Variants in ADNP observed in about 807,000 individuals in gnomAD.
ADNP encodes the protein activity dependent neuroprotector homeobox.
A neutral mutation model predicts 84.9 loss-of-function variants in ADNP; 4 were observed. The observed-to-expected ratio is 0.05, with a 90% CI of 0.02 to 0.11. The LOEUF (loss-of-function observed/expected upper bound fraction) is 0.11. ADNP is among the 10% of genes least tolerant of loss of function. The probability of loss-of-function intolerance (pLI) is 1.00; values close to 1 mark genes in which losing one functional copy is unlikely to be tolerated. For synonymous variants in ADNP, 554 were observed against 468.1 expected, an observed-to-expected ratio of 1.18 and a Z score of -2.37; for missense variants, 1,132 against 1,326.0, an observed-to-expected ratio of 0.85 and a Z score of 2.27.
chr20:50,908,939 A>G (rs1357160247), intron 2 of ADNP, among the ~76,000 whole-genome samples: 1 of 147,232 alleles, frequency 6.8e-6, no homozygotes, highest in East Asian at 2.0e-4. Context: ...GCTAAAAACT[A>G]AAATACAGGT....
intron 1 of ADNP, among the ~76,000 whole-genome samples, chr20:50,930,184 A>G (rs1182895455): frequency 1.3e-5 from 2 of 152,184 alleles, no homozygotes; most frequent in Non-Finnish European, 2.9e-5. Flanking sequence ...ACCTTACTGC[A>G]AAGTTGGGGC....
intron 2 of ADNP, among the ~76,000 whole-genome samples, chr20:50,921,160 TA>T (rs1221690344): frequency 6.6e-6 from 1 of 152,220 alleles, no homozygotes; most frequent in African/African-American, 2.4e-5. Flanking sequence ...GATACTAAAA[TA>T]ATCACTTTCA....
In ADNP at chr20:50,892,676, T is replaced by C. The variant is rs1209145413; in HGVS notation, c.2038A>G (p.Ile680Val). The C allele has an allele frequency of 6.2e-7, 1 of 1,614,246 alleles. No individual in the cohort carries two copies. Among genetic ancestry groups the C allele is most frequent in the Non-Finnish European group, 8.5e-7 (1 of 1,180,044 alleles). Residue 680 changes from isoleucine (I) to valine (V), a missense_variant, in exon 6 of 6, where the codon ATC (isoleucine) becomes GTC (valine). Physicochemically the swap from Ile to Val is conservative, Grantham distance 29. This residue lies in a region of ADNP where 39 missense variants were observed against 96.2 expected (regional missense o/e 0.41). Coordinates refer to ENST00000621696, the MANE Select transcript of ADNP (RefSeq NM_001282531.3). ...VYTSNMTASTITLHLVHCRGV... is the reference protein window; with the variant it reads ...VYTSNMTASTVTLHLVHCRGV... ...CTGCAGTGAACTAGATGCAGAGTGA[T>C]AGTTGAGGCGGTCATGTTGCTGGTA...
rs1474811420 is a variant in ADNP, at chr20:50,893,436, G to A, written c.1278C>T (p.Ser426=). The change falls in exon 6 of 6, where the codon TCC becomes TCT. Residue 426 remains serine, a synonymous_variant. Transcript: ENST00000621696. The surrounding 1 kb of genome is among the most constrained non-coding windows in gnomAD (Gnocchi z 4.4). ...QASRVLGQSS[S]KPAAAATGPP... Reference sequence around the variant, plus strand: ...GGCCTGTGGCAGCTGCAGCAGGTTTGGAACTGGACTGACCTAACACTCTGG... The same window carrying A: ...GGCCTGTGGCAGCTGCAGCAGGTTTAGAACTGGACTGACCTAACACTCTGG... The A allele has an allele frequency of 6.2e-7, 1 of 1,614,144 alleles. No individual in the cohort carries two copies. The highest frequency in any genetic ancestry group is 8.5e-7 in the Non-Finnish European group (1 of 1,180,034).
intron 2 of ADNP, among the ~76,000 whole-genome samples, chr20:50,908,732 C>A (rs139545208): frequency 0.013 from 2,046 of 151,970 alleles, 44 homozygotes; most frequent in African/African-American, 0.046. Context: ...TGAGATCGAG[C>A]CACTGCACTC....
rs541907509 is a variant in ADNP at position 50,922,862 on chromosome 20, G to A, written c.-90+5789C>T. Among the ~76,000 whole-genome samples, 46 of 152,130 alleles carry A rather than the reference G, an allele frequency of 3.0e-4. No homozygotes were observed. The East Asian group carries it at 4.1e-3, about 13-fold the overall frequency. Reference sequence around the variant, plus strand: ...CTCCCAAAATGCTGGGATTACAGGCGTGAGCCACCGCGCCTGGCCCTCCTG... The same window carrying A: ...CTCCCAAAATGCTGGGATTACAGGCATGAGCCACCGCGCCTGGCCCTCCTG... On this transcript the variant is annotated intron_variant, in intron 2 of 5. Transcript: ENST00000621696.
chr20:50,891,532 TG>T lies in ADNP; in HGVS notation c.3181del (p.Gln1061ArgfsTer20). The part of the protein sequence containing the change: ...SENDERLSNP[Q>X]IEWQNSTIDS... The stretch of plus-strand genomic sequence containing the variant: ...AATTGTGCTATTCTGCCACTCAATC[TG>T]GGGGTTAGATAAGCGCTCATCATTC... On this transcript the variant is annotated frameshift_variant, in exon 6 of 6. Transcript: ENST00000621696. LOFTEE classifies it high-confidence loss of function. 6.2e-7 allele frequency: 1 copy of T among 1,612,112 alleles called. No homozygotes were observed.
rs1219803065 is a variant in ADNP at position 50,893,490 on chromosome 20, C to T, written c.1224G>A (p.Lys408=). 6 of 1,613,798 alleles carry T rather than the reference C, an allele frequency of 3.7e-6. No homozygotes were observed. The highest frequency in any genetic ancestry group is 5.1e-6 in the Non-Finnish European group (6 of 1,180,042). Residue 408 remains lysine, a synonymous_variant, in exon 6 of 6, where the codon AAG becomes AAA. Coordinates refer to ENST00000621696, the MANE Select transcript of ADNP (RefSeq NM_001282531.3). This position sits in a 1 kb window ranked among gnomAD's most constrained non-coding sequence, Gnocchi z 4.4. ...CCTGTGACTGAGAGAGGGAAGGAGACTTTAACTGGCCCGATGAGAGAGAAG... is the reference window on the plus strand; with the variant it reads ...CCTGTGACTGAGAGAGGGAAGGAGATTTTAACTGGCCCGATGAGAGAGAAG... ...NASSLSSGQL[K]SPSLSQSQAS...
rs1470830305 is a variant in ADNP at position 50,903,972 on chromosome 20, G to T, written c.25C>A (p.Leu9Ile). 2 of 1,613,820 alleles carry T rather than the reference G, an allele frequency of 1.2e-6. No homozygotes were observed. The highest frequency in any genetic ancestry group is 1.7e-5 in the Admixed American group (1 of 60,002). MFQLPVNN[L>I]GSLRKARKTV... is the part of the protein sequence containing the mutation. ...TTCCGGGCTTTTCTTAAACTGCCAA[G>T]ATTGTTGACAGGAAGTTGGAACATA... is the stretch of plus-strand genomic sequence containing the variant. Residue 9 changes from leucine (L) to isoleucine (I), a missense_variant, in exon 4 of 6, where the codon CTT becomes ATT. Leu to Ile is a conservative substitution (Grantham distance 5). Transcript: ENST00000621696.
rs1173298949 is a variant in ADNP, at chr20:50,892,113, G to A, written c.2601C>T (p.Asn867=). 1 of 1,614,100 alleles carries A rather than the reference G, an allele frequency of 6.2e-7. No homozygotes were observed. Among genetic ancestry groups the A allele is most frequent in the Admixed American group, 1.7e-5 (1 of 60,016 alleles). ...AGGAACTGTCATCTTCCTTCCCAAGGTTGAGCTTTTTGTCAGCAGTCTTAC... is the reference window on the plus strand; with the variant it reads ...AGGAACTGTCATCTTCCTTCCCAAGATTGAGCTTTTTGTCAGCAGTCTTAC... ...NASKTADKKL[N]LGKEDDSSSD... The change falls in exon 6 of 6, where the codon AAC becomes AAT. Residue 867 remains asparagine (N), a synonymous_variant. Coordinates refer to ENST00000621696, the MANE Select transcript of ADNP (RefSeq NM_001282531.3).
chr20:50,892,515 A>G lies in ADNP; in HGVS notation c.2199T>C (p.Asp733=). The stretch of plus-strand genomic sequence containing the variant: ...AGAAGCTGGGTGAATCACTATCATC[A>G]TCTAACTTTCGTTTTTTCAGTAAGG... The part of the protein sequence containing the change: ...EFPLLKKRKL[D]DDSDSPSFFE... The change falls in exon 6 of 6, where the codon GAT becomes GAC. Residue 733 remains aspartate (D), a synonymous_variant. Transcript: ENST00000621696. 6.2e-7 allele frequency: 1 copy of G among 1,614,234 alleles called. No individual in the cohort carries two copies. Among genetic ancestry groups the G allele is most frequent in the East Asian group, 2.2e-5 (1 of 44,884 alleles).
intron 2 of ADNP, chr20:50,905,450 A>G (rs1982377460): frequency 6.6e-6 from 1 of 152,224 alleles, no homozygotes; most frequent in Admixed American, 6.5e-5. Flanking sequence ...TCCAAATGTA[A>G]TAAAATGCTG....
chr20:50,890,743 C>T lies in ADNP; in HGVS notation c.*662G>A, dbSNP rs761950753. On this transcript the variant is annotated 3_prime_UTR_variant, in exon 6 of 6. Transcript: ENST00000621696. ...CCAGATATATATCTTACGTGGCTGG[C>T]CTCTGTTGCAAGATTGTACAAGGTT... The T allele has an allele frequency of 3.3e-4, 57 of 175,120 alleles. No individual in the cohort carries two copies. Among genetic ancestry groups the T allele is most frequent in the Non-Finnish European group, 1.5e-4 (13 of 88,646 alleles). The allele number at this position is 175,120 out of a possible 1,614,324, so 10.8% of individuals were successfully genotyped here.
intron 2 of ADNP, among the ~76,000 whole-genome samples, chr20:50,907,839 C>CTGCT (rs1296666702): frequency 6.6e-6 from 1 of 151,314 alleles, no homozygotes; most frequent in Non-Finnish European, 1.5e-5. Flanking sequence ...CTCAAGTGAT[C>CTGCT]TGCTGGCTTT....
In ADNP at chr20:50,918,135, ATACTT is replaced by A. The variant is rs1420432289; in HGVS notation, c.-90+10511_-90+10515del. ...AAGGCTAAAATGGTAAAGTTTATGT[ATACTT>A]TACAACAATTAAAAATAAACACATT... On this transcript the variant is annotated intron_variant, in intron 2 of 5. Coordinates refer to ENST00000621696, the MANE Select transcript of ADNP (RefSeq NM_001282531.3). 9.2e-5 allele frequency among the ~76,000 whole-genome samples: 14 copies of A among 152,310 alleles called. No individual in the cohort carries two copies. The South Asian group carries it at 1.9e-3, about 20-fold the overall frequency.
rs1264308873 is a variant in ADNP, at chr20:50,889,486, A to G, written c.*1919T>C. The stretch of plus-strand genomic sequence containing the variant: ...GCTCCGTTCCAGCCCCAAATTCCTT[A>G]AAGGTTCTAGTCTACTCTTGCACTT... On this transcript the variant is annotated 3_prime_UTR_variant, in exon 6 of 6. Coordinates refer to ENST00000621696, the MANE Select transcript of ADNP (RefSeq NM_001282531.3). 5.8e-6 allele frequency: 1 copy of G among 171,804 alleles called. No individual in the cohort carries two copies. The highest frequency in any genetic ancestry group is 1.2e-5 in the Non-Finnish European group (1 of 81,232). 10.6% of individuals were successfully genotyped at this position (171,804 alleles called of 1,614,324 possible).
Position 50,903,980 on chromosome 20 carries a change from A to C in ADNP, c.17T>G (p.Val6Gly). 2 of 1,613,670 alleles carry C rather than the reference A, an allele frequency of 1.2e-6. No homozygotes were observed. The highest frequency in any genetic ancestry group is 1.7e-6 in the Non-Finnish European group (2 of 1,179,926). Reference sequence around the variant, plus strand: ...TTTTCTTAAACTGCCAAGATTGTTGACAGGAAGTTGGAACATAGTTTCTAT... The same window carrying C: ...TTTTCTTAAACTGCCAAGATTGTTGCCAGGAAGTTGGAACATAGTTTCTAT... The part of the protein sequence containing the change: MFQLP[V>G]NNLGSLRKAR... Residue 6 changes from valine (V) to glycine (G), a missense_variant, in exon 4 of 6, where the codon GTC (valine) becomes GGC (glycine). Transcript: ENST00000621696.
intron 2 of ADNP, among the ~76,000 whole-genome samples, chr20:50,923,411 G>C (rs1384996450): frequency 6.6e-6 from 1 of 152,190 alleles, no homozygotes; most frequent in Admixed American, 6.5e-5. Context: ...CTTCACCGAA[G>C]GTAGCTTTTC....
At chr20:50,930,003 A>T (rs1000087161) in intron 1 of ADNP, among the ~76,000 whole-genome samples, 6 of 151,964 alleles carry the variant, frequency 3.9e-5, no homozygotes, top group African/African-American at 4.8e-5. Context: ...GAGGAAGAGA[A>T]GCAATCGCGC....
Sources: allele counts gnomAD v4.1 joint callset (sites outside exome capture counted in the v4.1 genomes callset), GRCh38; gene constraint gnomAD v4.1.1; regional missense constraint gnomAD v4.1.1; non-coding constraint Gnocchi (gnomAD v3.1); transcripts MANE v1.5; gene names NCBI Gene and HGNC (gene_info 2026-07-23, HGNC 2026-07-21).